Variants in PCDHGC4 observed in about 807,000 individuals in gnomAD.
PCDHGC4 encodes protocadherin gamma subfamily C, 4.
PCDHGC4 carries 15 observed loss-of-function variants against 59.7 expected under a neutral mutation model. The observed-to-expected ratio is 0.25, with a 90% CI of 0.17 to 0.39. The LOEUF (loss-of-function observed/expected upper bound fraction) is 0.39. Among genes scored for constraint, PCDHGC4 ranks in the 10% least tolerant of loss-of-function variants. The pLI is 1.00. For missense variants in PCDHGC4, 1,016 were observed against 1,189.5 expected, an observed-to-expected ratio of 0.85 and a Z score of 2.15; for synonymous variants, 434 against 481.4, an observed-to-expected ratio of 0.90 and a Z score of 1.29.
At chr5:141,510,816 A>G (rs1478938067) in intron 3 of PCDHGC4, 131 bp from the exon 4 acceptor site, 2 of 1,547,282 alleles carry the variant, frequency 1.3e-6, no homozygotes, top group Non-Finnish European at 1.8e-6. Context: ...GGTGACCCCT[A>G]TATTCCCAGT....
rs1053018756 is a variant in PCDHGC4, at chr5:141,497,630, G to T, written c.2501+2765G>T. ...TCTTGGCTCACTGCAACCTCTGCCT[G>T]CCAGGTTCAAGCGATTCTCCTGCCT... is the stretch of plus-strand genomic sequence containing the variant. On this transcript the variant is annotated intron_variant, in intron 2 of 3. Coordinates refer to ENST00000306593, the MANE Select transcript of PCDHGC4 (RefSeq NM_018928.3). 3.3e-5 allele frequency among the ~76,000 whole-genome samples: 5 copies of T among 150,256 alleles called. No homozygotes were observed. The Admixed American group carries it at 3.3e-4, about 10-fold the overall frequency.
chr5:141,486,408 C>T lies in PCDHGC4; in HGVS notation c.1235C>T (p.Pro412Leu). Residue 412 changes from proline to leucine, a missense_variant, in exon 1 of 4, where the codon CCC (proline) becomes CTC (leucine). By Grantham distance (98) the Pro-to-Leu change is moderately conservative. Coordinates refer to ENST00000306593, the MANE Select transcript of PCDHGC4 (RefSeq NM_018928.3). This position sits in a 1 kb window ranked among gnomAD's most constrained non-coding sequence, Gnocchi z 5.0. ...CAGTTCTCCCTGGTGACTGCTGGAC[C>T]CTTGGATCGAGAGGCCAAATCTAGC... is the stretch of plus-strand genomic sequence containing the variant. ...RNQFSLVTAG[P>L]LDREAKSSYD... is the part of the protein sequence containing the mutation. The T allele has an allele frequency of 1.2e-6, 2 of 1,614,156 alleles. No individual in the cohort carries two copies. Among genetic ancestry groups the T allele is most frequent in the South Asian group, 2.2e-5 (2 of 91,084 alleles).
chr5:141,511,276 T>A lies in PCDHGC4; in HGVS notation c.*103T>A. ...AGAGTTTCAGGGCTAACCCCCAGAA[T>A]ACTGGTAGGGGCCAAGGCCATGCTC... On this transcript the variant is annotated 3_prime_UTR_variant, in exon 4 of 4. Coordinates refer to ENST00000306593, the MANE Select transcript of PCDHGC4 (RefSeq NM_018928.3). 6.5e-7 allele frequency: 1 copy of A among 1,538,086 alleles called. No homozygotes were observed. Among genetic ancestry groups the A allele is most frequent in the Non-Finnish European group, 8.8e-7 (1 of 1,140,722 alleles).
chr5:141,504,583 A>G (rs1230825472), intron 2 of PCDHGC4, among the ~76,000 whole-genome samples: 1 of 146,622 alleles, frequency 6.8e-6, no homozygotes, highest in African/African-American at 2.5e-5. Flanking sequence ...CCATCTGCCC[A>G]GGATTCACAG....
intron 2 of PCDHGC4, among the ~76,000 whole-genome samples, chr5:141,503,598 C>CA (rs765754054): frequency 0.15 from 9,705 of 65,252 alleles, 922 homozygotes; most frequent in African/African-American, 0.34. Context: ...GACTCCAGCT[C>CA]AAAAAAAAAA....
At chr5:141,507,842 C>CT (rs2099864170) in intron 3 of PCDHGC4, among the ~76,000 whole-genome samples, 1 of 152,230 alleles carries the variant, frequency 6.6e-6, no homozygotes, top group Admixed American at 6.5e-5. Flanking sequence ...GGGTCAGGCC[C>CT]TGCTCTCACT....
rs1421246315 is a variant in PCDHGC4 at position 141,491,880 on chromosome 5, G to A, written c.2443-2927G>A. The A allele has an allele frequency of 1.1e-5, 16 of 1,449,714 alleles. No homozygotes were observed. The highest frequency in any genetic ancestry group is 1.5e-5 in the Non-Finnish European group (16 of 1,096,892). 89.8% of individuals were successfully genotyped at this position (1,449,714 alleles called of 1,614,324 possible). A position where few individuals can be genotyped will look rare whatever the true frequency, so the allele number is the denominator to read the frequency against. ...GCGAAACCAGAGTGGCCGATTAAGGGATGGGGCTCCGAGCACCGGGGGTGG... is the reference window on the plus strand; with the variant it reads ...GCGAAACCAGAGTGGCCGATTAAGGAATGGGGCTCCGAGCACCGGGGGTGG... On this transcript the variant is annotated intron_variant, in intron 1 of 3. Coordinates refer to ENST00000306593, the MANE Select transcript of PCDHGC4 (RefSeq NM_018928.3). The surrounding 1 kb of genome is among the most constrained non-coding windows in gnomAD (Gnocchi z 6.9).
chr5:141,512,942 C>T lies in PCDHGC4; in HGVS notation c.*1769C>T, dbSNP rs1596321854. 3.3e-5 allele frequency: 5 copies of T among 151,644 alleles called. No individual in the cohort carries two copies. The South Asian group carries it at 1.0e-3, about 32-fold the overall frequency. The allele number at this position is 151,644 out of a possible 1,614,324, so 9.4% of individuals were successfully genotyped here. On this transcript the variant is annotated 3_prime_UTR_variant, in exon 4 of 4. Transcript: ENST00000306593. Reference sequence around the variant, plus strand: ...TAATATTTATATGGCTTTTTTTCTTCGACAAAAAAATAATAAAACGTTTCT... The same window carrying T: ...TAATATTTATATGGCTTTTTTTCTTTGACAAAAAAATAATAAAACGTTTCT...
intron 3 of PCDHGC4, among the ~76,000 whole-genome samples, chr5:141,507,500 A>G (rs2099861039): frequency 6.6e-6 from 1 of 152,206 alleles, no homozygotes; most frequent in Admixed American, 6.5e-5. Flanking sequence ...GAGCTGTCCC[A>G]GGTCTGGTGG....
At position 141,494,833 on chromosome 5, in the gene PCDHGC4, T is replaced by C. The variant is rs537340090; in HGVS notation, c.2469T>C (p.Arg823=). 1 of 1,614,094 alleles carries C rather than the reference T, an allele frequency of 6.2e-7. No homozygotes were observed. The highest frequency in any genetic ancestry group is 1.7e-5 in the Admixed American group (1 of 60,014). Residue 823 remains arginine, a synonymous_variant, in exon 2 of 4, where the codon CGT becomes CGC. Coordinates refer to ENST00000306593, the MANE Select transcript of PCDHGC4 (RefSeq NM_018928.3). ...LEQAPPNTDW[R]FSQAQRPGTS... Reference sequence around the variant, plus strand: ...AAGCCCCGCCCAACACGGACTGGCGTTTCTCTCAGGCCCAGAGACCCGGCA... The same window carrying C: ...AAGCCCCGCCCAACACGGACTGGCGCTTCTCTCAGGCCCAGAGACCCGGCA...
chr5:141,495,603 C>T (rs2099762369), intron 2 of PCDHGC4, among the ~76,000 whole-genome samples: 1 of 152,238 alleles, frequency 6.6e-6, no homozygotes, highest in Non-Finnish European at 1.5e-5. Flanking sequence ...TAGCTTCCGT[C>T]TTGATTGCTG....
At position 141,490,745 on chromosome 5, in the gene PCDHGC4, C is replaced by A. The variant is rs769031787; in HGVS notation, c.2442+3130C>A. 1 of 1,614,238 alleles carries A rather than the reference C, an allele frequency of 6.2e-7. No homozygotes were observed. Among genetic ancestry groups the A allele is most frequent in the Non-Finnish European group, 8.5e-7 (1 of 1,180,042 alleles). ...GTAGGAAATCAGGTTCAGGGAGCCCCAGCCTCCTCCTTTGTGTATGTCAAC... is the reference window on the plus strand; with the variant it reads ...GTAGGAAATCAGGTTCAGGGAGCCCAAGCCTCCTCCTTTGTGTATGTCAAC... On this transcript the variant is annotated intron_variant, in intron 1 of 3. Transcript: ENST00000306593. The surrounding 1 kb of genome is among the most constrained non-coding windows in gnomAD (Gnocchi z 5.4).
At position 141,487,501 on chromosome 5, in the gene PCDHGC4, T is replaced by C. The variant is rs746285663; in HGVS notation, c.2328T>C (p.Ala776=). 1.2e-6 allele frequency: 2 copies of C among 1,614,232 alleles called. No individual in the cohort carries two copies. The highest frequency in any genetic ancestry group is 3.3e-5 in the Admixed American group (2 of 60,028). The part of the protein sequence containing the change: ...GGHSHGCTPL[A]SAPTRSDSFM... ...ACTCTCATGGCTGTACACCCTTGGC[T>C]TCTGCACCCACTCGGAGTGATAGCT... The change falls in exon 1 of 4, where the codon GCT becomes GCC. Residue 776 remains alanine (A), a synonymous_variant. Coordinates refer to ENST00000306593, the MANE Select transcript of PCDHGC4 (RefSeq NM_018928.3). The surrounding 1 kb of genome is among the most constrained non-coding windows in gnomAD (Gnocchi z 5.0).
intron 3 of PCDHGC4, among the ~76,000 whole-genome samples, chr5:141,510,162 A>C (rs947806998): frequency 6.6e-6 from 1 of 151,838 alleles, no homozygotes; most frequent in Non-Finnish European, 1.5e-5. Flanking sequence ...AATCTCAGCT[A>C]CTCAGGAGGT....
chr5:141,490,181 G>T lies in PCDHGC4; in HGVS notation c.2442+2566G>T, dbSNP rs755899660. ...GGTCCCATAGACTTTGAGGAGTCAC[G>T]TTTCTATGAAATTCATGCAAGAGCC... is the stretch of plus-strand genomic sequence containing the variant. On this transcript the variant is annotated intron_variant, in intron 1 of 3. Coordinates refer to ENST00000306593, the MANE Select transcript of PCDHGC4 (RefSeq NM_018928.3). The surrounding 1 kb of genome is among the most constrained non-coding windows in gnomAD (Gnocchi z 5.4). The T allele has an allele frequency of 6.2e-7, 1 of 1,614,200 alleles. No individual in the cohort carries two copies. The highest frequency in any genetic ancestry group is 8.5e-7 in the Non-Finnish European group (1 of 1,180,030).
chr5:141,494,643 AG>A, intron 1 of PCDHGC4, 163 bp from the exon 2 acceptor site: 1 of 928,048 alleles, frequency 1.1e-6, no homozygotes, highest in Non-Finnish European at 1.3e-6. Flanking sequence ...CTGAGACCTG[AG>A]GTGTATTTTG....
Position 141,491,048 on chromosome 5 carries a change from C to T in PCDHGC4, c.2442+3433C>T, listed in dbSNP as rs755163825. The T allele has an allele frequency of 7.4e-6, 12 of 1,613,948 alleles. No individual in the cohort carries two copies. Among genetic ancestry groups the T allele is most frequent in the South Asian group, 4.4e-5 (4 of 91,090 alleles). ...GTGGATGCTGATGCAGGCCACAATG[C>T]GTGGCTCTCCTACTCACTGTTGCCA... On this transcript the variant is annotated intron_variant, in intron 1 of 3. Coordinates refer to ENST00000306593, the MANE Select transcript of PCDHGC4 (RefSeq NM_018928.3). The surrounding 1 kb of genome is among the most constrained non-coding windows in gnomAD (Gnocchi z 6.9).
chr5:141,509,303 G>A (rs911736752), intron 3 of PCDHGC4, among the ~76,000 whole-genome samples: 1 of 152,210 alleles, frequency 6.6e-6, no homozygotes, highest in Admixed American at 6.5e-5. Context: ...GGAGGCAGAG[G>A]GAGGCTGGGA....
At chr5:141,495,236 A>G (rs2099759742) in intron 2 of PCDHGC4, among the ~76,000 whole-genome samples, 1 of 152,168 alleles carries the variant, frequency 6.6e-6, no homozygotes, top group South Asian at 2.1e-4. Flanking sequence ...GGGCTCCATT[A>G]TGACCTGGGG....
Sources: gnomAD v4.1 joint callset for allele counts (sites outside exome capture counted in the v4.1 genomes callset) on GRCh38, gnomAD v4.1.1 for gene constraint, Gnocchi (gnomAD v3.1) non-coding constraint, MANE v1.5 for transcripts, NCBI Gene and HGNC (gene_info 2026-07-23, HGNC 2026-07-21) for gene names.